Variants in SLCO1A2 observed in about 807,000 individuals in gnomAD.
SLCO1A2 encodes solute carrier organic anion transporter family member 1A2, also known as OATP-1.
SLCO1A2 carries 67 observed loss-of-function variants against 69.0 expected under a neutral mutation model. The observed-to-expected ratio is 0.97, with a 90% CI of 0.80 to 1.19. The LOEUF (loss-of-function observed/expected upper bound fraction) is 1.19. Ranked by LOEUF, SLCO1A2 falls within the 50% of genes most tolerant of loss-of-function variation. SLCO1A2 has a pLI of 0.00. For missense variants in SLCO1A2, 787 were observed against 793.7 expected, an observed-to-expected ratio of 0.99 and a Z score of 0.10; for synonymous variants, 260 against 265.9, an observed-to-expected ratio of 0.98 and a Z score of 0.22.
At chr12:21,345,414 A>G (rs370256280) in intron 2 of SLCO1A2, among the ~76,000 whole-genome samples, 2 of 152,142 alleles carry the variant, frequency 1.3e-5, no homozygotes, top group African/African-American at 4.8e-5. Context: ...AGAAAGAGTG[A>G]TGGGTTCGTT....
chr12:21,376,616 C>A (rs1940212189), intron 1 of SLCO1A2, among the ~76,000 whole-genome samples: 1 of 151,866 alleles, frequency 6.6e-6, no homozygotes, highest in South Asian at 2.1e-4. Flanking sequence ...TCACCTAATG[C>A]TGTAAGAAGT....
In SLCO1A2 at chr12:21,363,182, T is replaced by G. The variant is rs563735066; in HGVS notation, c.-63+11217A>C. Among the ~76,000 whole-genome samples the G allele has an allele frequency of 1.0e-3, 153 of 152,092 alleles. 1 individual carries two copies. The Middle Eastern group carries it at 0.034, about 34-fold the overall frequency. The stretch of plus-strand genomic sequence containing the variant: ...TCAGCAAATGTAAAAGAACAGAAAT[T>G]ATAACAAACTGTCTCTCAGACCACA... On this transcript the variant is annotated intron_variant, in intron 2 of 15. Transcript: ENST00000307378.
At chr12:21,322,329 T>A (rs113281964) in intron 2 of SLCO1A2, among the ~76,000 whole-genome samples, 404 of 152,302 alleles carry the variant, frequency 2.7e-3, no homozygotes, top group Middle Eastern at 0.01. Context: ...GATGTGGCCA[T>A]AACACAGCCT....
chr12:21,315,179 G>A (rs989998540), intron 3 of SLCO1A2, among the ~76,000 whole-genome samples: 1 of 152,040 alleles, frequency 6.6e-6, no homozygotes, highest in Non-Finnish European at 1.5e-5. Flanking sequence ...TCTTCATTTT[G>A]GTCAACATGA....
At chr12:21,301,976 TTGCCTATTATCTC>T (rs1948770073) in intron 6 of SLCO1A2, among the ~76,000 whole-genome samples, 1 of 152,142 alleles carries the variant, frequency 6.6e-6, no homozygotes, top group Non-Finnish European at 1.5e-5. Context: ...AAATTTGGCT[TTGCCTATTATCTC>T]TGCCTTCTCC....
intron 12 of SLCO1A2, among the ~76,000 whole-genome samples, chr12:21,283,062 T>C (rs1945100021): frequency 6.6e-6 from 1 of 151,932 alleles, no homozygotes; most frequent in Admixed American, 6.6e-5. Context: ...CCCACAGAAA[T>C]AGAAAAGGTA....
At chr12:21,333,817 T>C (rs1328357355) in intron 2 of SLCO1A2, among the ~76,000 whole-genome samples, 2 of 152,106 alleles carry the variant, frequency 1.3e-5, no homozygotes, top group Non-Finnish European at 2.9e-5. Context: ...TTTTTCTTAA[T>C]TAACATACCA....
At chr12:21,373,464 C>G (rs1173315956) in intron 2 of SLCO1A2, 4 of 1,468,666 alleles carry the variant, frequency 2.7e-6, no homozygotes, top group Non-Finnish European at 3.8e-6. Context: ...TTCTTTGTAA[C>G]TTTTGTAAAG....
At chr12:21,359,927 T>C (rs1437516240) in intron 2 of SLCO1A2, among the ~76,000 whole-genome samples, 1 of 152,108 alleles carries the variant, frequency 6.6e-6, no homozygotes, top group Non-Finnish European at 1.5e-5. Context: ...CATTTTGTAA[T>C]ATATTCACAC....
intron 2 of SLCO1A2, among the ~76,000 whole-genome samples, chr12:21,364,075 C>G (rs538179589): frequency 6.6e-6 from 1 of 152,154 alleles, no homozygotes; most frequent in African/African-American, 2.4e-5. Context: ...GATACCAAAG[C>G]CTGGCAGAAA....
chr12:21,308,427 C>G (rs925900649), intron 4 of SLCO1A2, among the ~76,000 whole-genome samples: 1 of 152,164 alleles, frequency 6.6e-6, no homozygotes, highest in Non-Finnish European at 1.5e-5. Flanking sequence ...AGGCAAGATA[C>G]TTAAATGCAA....
At chr12:21,346,278 A>G (rs2136996472) in intron 2 of SLCO1A2, among the ~76,000 whole-genome samples, 1 of 152,292 alleles carries the variant, frequency 6.6e-6, no homozygotes, top group East Asian at 1.9e-4. Flanking sequence ...TAGTAAATTT[A>G]CTTAATTCAC....
intron 2 of SLCO1A2, chr12:21,373,624 T>C (rs894513112): frequency 4.3e-6 from 3 of 700,090 alleles, no homozygotes; most frequent in African/African-American, 3.5e-5. Flanking sequence ...TAAATATCTT[T>C]GATGGAACTT....
At chr12:21,393,952 T>A (rs1941289646) in intron 1 of SLCO1A2, among the ~76,000 whole-genome samples, 1 of 152,220 alleles carries the variant, frequency 6.6e-6, no homozygotes, top group Non-Finnish European at 1.5e-5. Context: ...CATCTTCATG[T>A]AAACATATTT....
chr12:21,284,659 T>A lies in SLCO1A2; in HGVS notation c.1610+7505A>T, dbSNP rs533901423. The stretch of plus-strand genomic sequence containing the variant: ...AACAGAAATTATAACAAACTATCTC[T>A]CAGACCACAGTGCAATCAAACTAGA... On this transcript the variant is annotated intron_variant, in intron 12 of 14. Coordinates refer to ENST00000683939, the MANE Select transcript of SLCO1A2 (RefSeq NM_001386879.1). 8.4e-5 allele frequency among the ~76,000 whole-genome samples: 12 copies of A among 142,286 alleles called. No individual in the cohort carries two copies. The East Asian group carries it at 2.3e-3, about 27-fold the overall frequency. 93.3% of individuals were successfully genotyped at this position (142,286 alleles called of 152,430 possible). A position where few individuals can be genotyped will look rare whatever the true frequency, so the allele number is the denominator to read the frequency against.
intron 6 of SLCO1A2, among the ~76,000 whole-genome samples, chr12:21,303,720 C>T (rs1225722109): frequency 1.3e-5 from 2 of 152,076 alleles, no homozygotes; most frequent in African/African-American, 4.8e-5. Flanking sequence ...TTCCAGGTGA[C>T]CTACATGGAT....
chr12:21,396,615 C>A (rs1409263162), upstream of SLCO1A2, among the ~76,000 whole-genome samples: 1 of 151,812 alleles, frequency 6.6e-6, no homozygotes, highest in Non-Finnish European at 1.5e-5. Context: ...TTAAGGGCAG[C>A]CAGAGAGAAA....
upstream of SLCO1A2, among the ~76,000 whole-genome samples, chr12:21,399,052 G>T (rs1359958837): frequency 2.7e-5 from 4 of 147,000 alleles, no homozygotes; most frequent in African/African-American, 7.5e-5. Flanking sequence ...AGGAAATAAA[G>T]GGTATTCAAT....
At chr12:21,280,769 T>A (rs1027362964) in intron 12 of SLCO1A2, among the ~76,000 whole-genome samples, 3 of 152,134 alleles carry the variant, frequency 2.0e-5, no homozygotes, top group Non-Finnish European at 2.9e-5. Flanking sequence ...CAGAACATTT[T>A]ATCCAATGGC....
Sources: allele counts gnomAD v4.1 joint callset (sites outside exome capture counted in the v4.1 genomes callset), GRCh38; gene constraint gnomAD v4.1.1; transcripts MANE v1.5; gene names NCBI Gene and HGNC (gene_info 2026-07-23, HGNC 2026-07-21).